Variants in ROBO1 observed in about 807,000 individuals in gnomAD.
The protein encoded by ROBO1 is roundabout homolog 1.
ROBO1 carries 149 observed loss-of-function variants against 195.9 expected under a neutral mutation model. That is an observed-to-expected ratio of 0.76 (90% CI 0.67 to 0.87). The LOEUF (loss-of-function observed/expected upper bound fraction) is 0.87. Ranked by LOEUF, ROBO1 falls within the 40% of genes least tolerant of loss-of-function variation. The pLI is 0.00. For missense variants in ROBO1, 1,933 were observed against 2,068.3 expected, an observed-to-expected ratio of 0.93 and a Z score of 1.27; for synonymous variants, 816 against 733.2, an observed-to-expected ratio of 1.11 and a Z score of -1.82.
chr3:79,741,562 T>A (rs1280120504), intron 1 of ROBO1, among the ~76,000 whole-genome samples: 4 of 152,196 alleles, frequency 2.6e-5, no homozygotes, highest in Non-Finnish European at 5.9e-5. Context: ...ATATTAGCAG[T>A]TCTTACAGTA....
intron 2 of ROBO1, among the ~76,000 whole-genome samples, chr3:79,488,413 C>A (rs548992819): frequency 6.6e-6 from 1 of 151,892 alleles, no homozygotes; most frequent in Non-Finnish European, 1.5e-5. Flanking sequence ...AACTTTGGAC[C>A]AAATTGTGCA....
At position 79,645,477 on chromosome 3, in the gene ROBO1, G is replaced by A. The variant is rs113157724; in HGVS notation, c.-50-55516C>T. ...TGATCTTGCCACTGCACTATAGCCC[G>A]GGAGACAATTTGAAACTCTGTCTCT... On this transcript the variant is annotated intron_variant, in intron 1 of 30. Coordinates refer to ENST00000464233, the MANE Select transcript of ROBO1 (RefSeq NM_002941.4). Among the ~76,000 whole-genome samples the A allele has an allele frequency of 8.2e-3, 1,250 of 152,058 alleles. 10 individuals are homozygous for A. Among genetic ancestry groups the A allele is most frequent in the African/African-American group, 0.023 (951 of 41,496 alleles).
intron 1 of ROBO1, among the ~76,000 whole-genome samples, chr3:79,594,276 C>T (rs1944095181): frequency 6.6e-6 from 1 of 151,944 alleles, no homozygotes; most frequent in African/African-American, 2.4e-5. Flanking sequence ...TGTATGTTCT[C>T]TCAGTATTAA....
intron 1 of ROBO1, among the ~76,000 whole-genome samples, chr3:79,733,291 T>A (rs1358641115): frequency 6.6e-6 from 1 of 152,228 alleles, no homozygotes; most frequent in Non-Finnish European, 1.5e-5. Flanking sequence ...TTAGAAAAAC[T>A]TTCTCATATG....
intron 3 of ROBO1, among the ~76,000 whole-genome samples, chr3:79,016,862 A>G (rs2077952999): frequency 6.6e-6 from 1 of 152,200 alleles, no homozygotes. Context: ...TAAACTAGGC[A>G]GAGACACAGC....
intron 2 of ROBO1, among the ~76,000 whole-genome samples, chr3:79,248,233 G>A (rs989164700): frequency 2.6e-5 from 4 of 151,842 alleles, no homozygotes; most frequent in East Asian, 1.9e-4. Flanking sequence ...TTTCTTTTAC[G>A]ATGGCTAGTA....
intron 2 of ROBO1, among the ~76,000 whole-genome samples, chr3:79,352,281 T>C (rs1352699712): frequency 2.6e-5 from 4 of 152,222 alleles, no homozygotes; most frequent in African/African-American, 9.6e-5. Context: ...CTTTACTTAC[T>C]ATTCCTTATT....
intron 3 of ROBO1, among the ~76,000 whole-genome samples, chr3:78,955,854 T>TC (rs2041024208): frequency 6.6e-6 from 1 of 152,178 alleles, no homozygotes; most frequent in Non-Finnish European, 1.5e-5. Context: ...GCTGTCAACT[T>TC]CACTCATTTT....
At position 79,729,899 on chromosome 3, in the gene ROBO1, G is replaced by T. The variant is rs370508213; in HGVS notation, c.-51+37853C>A. 5.3e-5 allele frequency among the ~76,000 whole-genome samples: 8 copies of T among 152,102 alleles called. No homozygotes were observed. In the East Asian group the frequency reaches 1.4e-3, roughly 26 times the overall value. ...TAGAGTGATTGAAATTAATAAAGTG[G>T]CAGTACCTCCCAGAAACATATTTTA... On this transcript the variant is annotated intron_variant, in intron 1 of 30. Coordinates refer to ENST00000464233, the MANE Select transcript of ROBO1 (RefSeq NM_002941.4).
At chr3:79,485,619 AG>A (rs1245153955) in intron 2 of ROBO1, among the ~76,000 whole-genome samples, 1 of 152,140 alleles carries the variant, frequency 6.6e-6, no homozygotes, top group African/African-American at 2.4e-5. Context: ...TACTGTTCTC[AG>A]CGCTTTAAAA....
chr3:78,623,378 T>A (rs1704568931), intron 26 of ROBO1, among the ~76,000 whole-genome samples: 1 of 151,996 alleles, frequency 6.6e-6, no homozygotes, highest in African/African-American at 2.4e-5. Context: ...GCAAAGATAT[T>A]GAGGTGAGTG....
intron 2 of ROBO1, among the ~76,000 whole-genome samples, chr3:79,152,926 G>A (rs958569735): frequency 2.6e-5 from 4 of 151,658 alleles, no homozygotes; most frequent in African/African-American, 7.3e-5. Flanking sequence ...AGACTTTGGC[G>A]TTTTCAAAGA....
chr3:79,324,173 C>T (rs1402912156), intron 2 of ROBO1, among the ~76,000 whole-genome samples: 1 of 152,114 alleles, frequency 6.6e-6, no homozygotes, highest in African/African-American at 2.4e-5. Context: ...AGGTGAAGAA[C>T]AATTTTGATG....
intron 18 of ROBO1, among the ~76,000 whole-genome samples, 184 bp downstream of exon 18, chr3:78,656,900 CTCTCTCTCTCTCTT>C (rs1707063217): frequency 6.6e-6 from 1 of 152,062 alleles, no homozygotes; most frequent in African/African-American, 2.4e-5. Flanking sequence ...TAGTCTGTCT[CTCTCTCTCTCTCTT>C]TCTCTCTCTC....
At chr3:79,536,535 A>G (rs927392458) in intron 2 of ROBO1, among the ~76,000 whole-genome samples, 3 of 152,188 alleles carry the variant, frequency 2.0e-5, no homozygotes, top group Non-Finnish European at 4.4e-5. Flanking sequence ...GATCAAATTT[A>G]TGTATTAATT....
intron 2 of ROBO1, among the ~76,000 whole-genome samples, chr3:79,199,073 G>A (rs929214844): frequency 6.6e-6 from 1 of 151,946 alleles, no homozygotes; most frequent in Non-Finnish European, 1.5e-5. Context: ...ATGTTGAACA[G>A]GAGTGGTGAG....
intron 5 of ROBO1, among the ~76,000 whole-genome samples, chr3:78,732,609 G>C (rs1026491478): frequency 6.6e-6 from 1 of 152,096 alleles, no homozygotes; most frequent in African/African-American, 2.4e-5. Context: ...GGGAAATGTG[G>C]CATGATCTTT....
intron 2 of ROBO1, among the ~76,000 whole-genome samples, chr3:79,169,182 A>G (rs1240050183): frequency 6.6e-6 from 1 of 152,168 alleles, no homozygotes; most frequent in Admixed American, 6.5e-5. Context: ...AAGAGTACAT[A>G]TTAGTGCACA....
At chr3:79,235,059 T>C (rs2082384028) in intron 2 of ROBO1, among the ~76,000 whole-genome samples, 1 of 152,128 alleles carries the variant, frequency 6.6e-6, no homozygotes, top group African/African-American at 2.4e-5. Context: ...TTCTTACCCA[T>C]TTTTGAAACT....
Sources: allele counts gnomAD v4.1 joint callset (sites outside exome capture counted in the v4.1 genomes callset), GRCh38; gene constraint gnomAD v4.1.1; transcripts MANE v1.5; gene names NCBI Gene and HGNC (gene_info 2026-07-23, HGNC 2026-07-21).